The following TAF3 variants were observed in gnomAD, a reference collection of about 807,000 sequenced individuals.
TAF3 encodes the protein TATA-box binding protein associated factor 3.
In TAF3, 7 loss-of-function variants were observed where a neutral mutation model predicts 80.6. That is an observed-to-expected ratio of 0.09 (90% CI 0.05 to 0.16). The LOEUF (loss-of-function observed/expected upper bound fraction) is 0.16, where lower values mean the gene tolerates loss of function less well. Among genes scored for constraint, TAF3 ranks in the 10% least tolerant of loss-of-function variants. TAF3 has a pLI of 1.00. For missense variants in TAF3, 921 were observed against 1,140.2 expected, an observed-to-expected ratio of 0.81 and a Z score of 2.77; for synonymous variants, 444 against 446.1, an observed-to-expected ratio of 1.00 and a Z score of 0.06.
chr10:7,871,674 C>T (rs1037999710), intron 2 of TAF3, among the ~76,000 whole-genome samples: 1 of 151,954 alleles, frequency 6.6e-6, no homozygotes, highest in South Asian at 2.1e-4. Flanking sequence ...GAACTCCCAA[C>T]CTCAGGTGAT....
chr10:7,943,116 C>G (rs1837991905), intron 2 of TAF3, among the ~76,000 whole-genome samples: 1 of 152,174 alleles, frequency 6.6e-6, no homozygotes, highest in South Asian at 2.1e-4. Context: ...TCAAAGGAGT[C>G]CAATCCTGTG....
intron 2 of TAF3, among the ~76,000 whole-genome samples, chr10:7,924,178 T>G (rs1375763194): frequency 2.0e-5 from 3 of 152,232 alleles, no homozygotes; most frequent in African/African-American, 7.2e-5. Context: ...CTAAATGTGG[T>G]GCCAGGGTAT....
intron 2 of TAF3, among the ~76,000 whole-genome samples, chr10:7,849,155 T>C (rs1456940018): frequency 1.3e-5 from 2 of 152,210 alleles, no homozygotes; most frequent in Non-Finnish European, 1.5e-5. Flanking sequence ...ATAATAATCC[T>C]GTGAAGGAAG....
At chr10:7,970,141 T>C (rs962479936) in intron 3 of TAF3, among the ~76,000 whole-genome samples, 2 of 152,262 alleles carry the variant, frequency 1.3e-5, no homozygotes, top group Non-Finnish European at 2.9e-5. Flanking sequence ...ATAGTGTTGA[T>C]GATCAACCCC....
chr10:7,872,219 T>TTC (rs1188339373), intron 2 of TAF3, among the ~76,000 whole-genome samples: 1 of 149,540 alleles, frequency 6.7e-6, no homozygotes, highest in African/African-American at 2.5e-5. Context: ...GTTGATTTTT[T>TTC]TTTTTTTTTT....
At chr10:7,911,572 A>T (rs1023543266) in intron 2 of TAF3, among the ~76,000 whole-genome samples, 1 of 152,214 alleles carries the variant, frequency 6.6e-6, no homozygotes, top group African/African-American at 2.4e-5. Flanking sequence ...GCTTTGTTTG[A>T]TAGATTTCAG....
chr10:7,868,778 T>C (rs931076563), intron 2 of TAF3, among the ~76,000 whole-genome samples: 6 of 152,228 alleles, frequency 3.9e-5, no homozygotes, highest in Non-Finnish European at 5.9e-5. Flanking sequence ...ACAAGAACAG[T>C]AATACATTTA....
chr10:8,003,740 A>G (rs1831966581), intron 4 of TAF3, among the ~76,000 whole-genome samples: 1 of 152,224 alleles, frequency 6.6e-6, no homozygotes, highest in African/African-American at 2.4e-5. Context: ...GAGATTTGCA[A>G]AAATTTAAAA....
chr10:7,932,556 G>C (rs528977780), intron 2 of TAF3, among the ~76,000 whole-genome samples: 1 of 151,994 alleles, frequency 6.6e-6, no homozygotes, highest in South Asian at 2.1e-4. Flanking sequence ...TCAAAACAAA[G>C]CATTCCTGTA....
chr10:7,950,336 G>T (rs1263462580), intron 2 of TAF3, among the ~76,000 whole-genome samples: 1 of 152,178 alleles, frequency 6.6e-6, no homozygotes, highest in African/African-American at 2.4e-5. Context: ...TGGGCATGAA[G>T]ACCCTGTGGA....
intron 2 of TAF3, among the ~76,000 whole-genome samples, chr10:7,880,650 C>G (rs1837352406): frequency 6.6e-6 from 1 of 152,144 alleles, no homozygotes; most frequent in African/African-American, 2.4e-5. Context: ...ATAAGCTACT[C>G]TACACAGTAC....
chr10:7,965,881 C>A, intron 3 of TAF3, 139 bp downstream of exon 3: 1 of 1,304,266 alleles, frequency 7.7e-7, no homozygotes, highest in Non-Finnish European at 1.0e-6. Context: ...AATGAGGTTA[C>A]AAAATTTGAT....
chr10:7,890,471 C>T (rs1588540479), intron 2 of TAF3, among the ~76,000 whole-genome samples: 1 of 152,160 alleles, frequency 6.6e-6, no homozygotes, highest in Non-Finnish European at 1.5e-5. Flanking sequence ...GAAGTTTAAG[C>T]ATGCAATTGT....
At chr10:7,821,348 C>T (rs935357967) in intron 1 of TAF3, among the ~76,000 whole-genome samples, 37 of 152,154 alleles carry the variant, frequency 2.4e-4, no homozygotes, top group Admixed American at 2.1e-3. Context: ...TATTCCACCC[C>T]TTTAAATCCT....
chr10:7,927,291 T>C (rs1219268206), intron 2 of TAF3, among the ~76,000 whole-genome samples: 1 of 152,248 alleles, frequency 6.6e-6, no homozygotes, highest in Non-Finnish European at 1.5e-5. Flanking sequence ...CTCATTCTTC[T>C]CTCCATTCTC....
intron 1 of TAF3, among the ~76,000 whole-genome samples, chr10:7,824,084 G>A (rs1195496111): frequency 6.6e-6 from 1 of 152,108 alleles, no homozygotes; most frequent in East Asian, 1.9e-4. Context: ...AATCATGAAT[G>A]TGGTTTTTCT....
Position 7,953,155 on chromosome 10 carries a change from A to G in TAF3, c.410-10765A>G, listed in dbSNP as rs561694924. 4.3e-4 allele frequency among the ~76,000 whole-genome samples: 66 copies of G among 152,236 alleles called. 1 individual carries two copies. Among genetic ancestry groups the G allele is most frequent in the African/African-American group, 1.6e-3 (65 of 41,520 alleles). On this transcript the variant is annotated intron_variant, in intron 2 of 6. Coordinates refer to ENST00000344293, the MANE Select transcript of TAF3 (RefSeq NM_031923.4). ...GTTCTACACTCACCTAATCCTCAAC[A>G]TTCCATCACGTTGTTTCACTTCGGT...
intron 2 of TAF3, among the ~76,000 whole-genome samples, chr10:7,854,428 A>G (rs565391788): frequency 2.2e-4 from 33 of 152,352 alleles, no homozygotes; most frequent in African/African-American, 4.3e-4. Context: ...TGGAAGCTCT[A>G]TGTGATTTTT....
intron 5 of TAF3, 58 bp from the exon 6 acceptor site, chr10:8,013,673 C>T (rs1035096916): frequency 2.1e-6 from 3 of 1,426,702 alleles, no homozygotes; most frequent in African/African-American, 1.4e-5. Flanking sequence ...GATCTGGCCT[C>T]TTTTTGTTTT....
Sources: allele counts gnomAD v4.1 joint callset (sites outside exome capture counted in the v4.1 genomes callset), GRCh38; gene constraint gnomAD v4.1.1; transcripts MANE v1.5; gene names NCBI Gene and HGNC (gene_info 2026-07-23, HGNC 2026-07-21).